Variants in GADL1 observed in about 807,000 individuals in gnomAD.
The protein encoded by GADL1 is GAD like acidic amino acid decarboxylase 1, also known as acidic amino acid decarboxylase GADL1.
Under a neutral mutation model 69.5 loss-of-function variants are expected in GADL1, and 71 were observed. The observed-to-expected ratio is 1.02, with a 90% CI of 0.84 to 1.25. GADL1 has a LOEUF of 1.25. Ranked by LOEUF, GADL1 falls within the 50% of genes most tolerant of loss-of-function variation. GADL1 has a pLI of 0.00. For missense variants in GADL1, 737 were observed against 631.8 expected (o/e 1.17, Z -1.79); for synonymous variants, 254 against 214.4 (o/e 1.18, Z -1.62).
intron 12 of GADL1, chr3:30,798,945 T>C (rs537402161): frequency 2.0e-5 from 3 of 152,388 alleles, no homozygotes; most frequent in Admixed American, 6.5e-5. Flanking sequence ...CCATGTCTCA[T>C]ATCTGGGTCA....
chr3:30,806,270 A>T (rs1460125933), intron 11 of GADL1, among the ~76,000 whole-genome samples: 1 of 152,152 alleles, frequency 6.6e-6, no homozygotes, highest in East Asian at 1.9e-4. Flanking sequence ...TTAATAATTC[A>T]TCTAAAAATT....
intron 11 of GADL1, among the ~76,000 whole-genome samples, chr3:30,802,623 T>A (rs998233998): frequency 3.9e-5 from 6 of 152,230 alleles, no homozygotes; most frequent in African/African-American, 1.4e-4. Context: ...GATATCACAT[T>A]TCAAATGAAA....
At chr3:30,768,975 G>T (rs1696352217) in intron 14 of GADL1, among the ~76,000 whole-genome samples, 1 of 152,154 alleles carries the variant, frequency 6.6e-6, no homozygotes, top group Non-Finnish European at 1.5e-5. Context: ...TTTCCTTTCA[G>T]CCCAGGGGTC....
chr3:30,858,600 G>C (rs1284533230), intron 2 of GADL1, among the ~76,000 whole-genome samples: 1 of 151,972 alleles, frequency 6.6e-6, no homozygotes, highest in African/African-American at 2.4e-5. Context: ...ACACAAGATT[G>C]GATGGCAGCA....
intron 6 of GADL1, among the ~76,000 whole-genome samples, chr3:30,849,382 A>C (rs117110289): frequency 1.3e-5 from 2 of 152,306 alleles, no homozygotes; most frequent in East Asian, 3.9e-4. Flanking sequence ...CTGAGGCACA[A>C]AGAAATTAAC....
intron 14 of GADL1, among the ~76,000 whole-genome samples, chr3:30,729,958 T>C (rs534914752): frequency 5.9e-4 from 90 of 152,082 alleles, no homozygotes; most frequent in African/African-American, 9.7e-4. Flanking sequence ...TATATGAGTG[T>C]AAAAGAAAAA....
At chr3:30,747,673 A>G (rs2125475896) in intron 14 of GADL1, among the ~76,000 whole-genome samples, 1 of 152,340 alleles carries the variant, frequency 6.6e-6, no homozygotes, top group South Asian at 2.1e-4. Context: ...AAGACTGTAG[A>G]CATGGCCATA....
chr3:30,761,635 TATCA>T (rs1349400029), intron 14 of GADL1, among the ~76,000 whole-genome samples: 1 of 152,198 alleles, frequency 6.6e-6, no homozygotes, highest in Non-Finnish European at 1.5e-5. Flanking sequence ...CAATTGAAAC[TATCA>T]ATCCTCATCA....
intron 1 of GADL1, among the ~76,000 whole-genome samples, chr3:30,889,653 T>G (rs919534055): frequency 2.6e-5 from 4 of 152,188 alleles, no homozygotes; most frequent in Non-Finnish European, 5.9e-5. Flanking sequence ...AGTTTCTTTT[T>G]AAATCACGCA....
chr3:30,864,558 T>C (rs973436469), intron 1 of GADL1, among the ~76,000 whole-genome samples: 3 of 152,050 alleles, frequency 2.0e-5, no homozygotes, highest in Admixed American at 2.0e-4. Context: ...GTCTAGATGA[T>C]GTCTTTTCTT....
intron 4 of GADL1, among the ~76,000 whole-genome samples, chr3:30,853,808 G>A (rs879891670): frequency 7.9e-5 from 12 of 151,852 alleles, no homozygotes; most frequent in African/African-American, 2.7e-4. Flanking sequence ...CTCCAAGTCC[G>A]AGCTACTTTC....
chr3:30,815,541 T>G (rs188098689), intron 11 of GADL1, among the ~76,000 whole-genome samples: 27 of 152,294 alleles, frequency 1.8e-4, no homozygotes, highest in African/African-American at 5.3e-4. Flanking sequence ...TCTACAGAAT[T>G]TCTGTACAAC....
At chr3:30,827,335 C>T (rs1167312704) in intron 11 of GADL1, among the ~76,000 whole-genome samples, 1 of 151,134 alleles carries the variant, frequency 6.6e-6, no homozygotes, top group Non-Finnish European at 1.5e-5. Flanking sequence ...GACCAGTACA[C>T]ATTTATGACT....
chr3:30,763,633 TAA>T (rs1487143409), intron 14 of GADL1, among the ~76,000 whole-genome samples: 1 of 152,206 alleles, frequency 6.6e-6, no homozygotes, highest in Non-Finnish European at 1.5e-5. Context: ...AACTATAGTC[TAA>T]GAGGAAGCCT....
At chr3:30,849,718 AAAAG>A (rs1207939136) in intron 6 of GADL1, among the ~76,000 whole-genome samples, 2 of 152,198 alleles carry the variant, frequency 1.3e-5, no homozygotes, top group African/African-American at 2.4e-5. Flanking sequence ...GACATTCAAA[AAAAG>A]AGATTCACAG....
intron 11 of GADL1, among the ~76,000 whole-genome samples, chr3:30,805,734 C>CCTT (rs1491120346): frequency 1.5e-5 from 1 of 66,094 alleles, no homozygotes; most frequent in Non-Finnish European, 2.4e-5. Flanking sequence ...AGTCCCCAGC[C>CCTT]TTTTTTTTTT....
intron 14 of GADL1, among the ~76,000 whole-genome samples, chr3:30,740,908 ATC>A (rs1695607542): frequency 7.0e-6 from 1 of 142,396 alleles, no homozygotes; most frequent in African/African-American, 2.6e-5. Flanking sequence ...ACATATATAT[ATC>A]TAATATATAA....
In GADL1 at chr3:30,830,989, G is replaced by A. The variant is rs1004448730; in HGVS notation, c.1050+2864C>T. Among the ~76,000 whole-genome samples the A allele has an allele frequency of 8.2e-5, 7 of 84,854 alleles. No homozygotes were observed. The East Asian group carries it at 2.1e-3, about 25-fold the overall frequency. The allele number at this position is 84,854 out of a possible 152,430, so 55.7% of individuals were successfully genotyped here. A position where few individuals can be genotyped will look rare whatever the true frequency, so the allele number is the denominator to read the frequency against. On this transcript the variant is annotated intron_variant, in intron 11 of 14. Coordinates refer to ENST00000282538, the MANE Select transcript of GADL1 (RefSeq NM_207359.3). Reference sequence around the variant, plus strand: ...TGATAATAATTGATAATTGAGCCCTGTCTAATTGATAGCTAAAATGTATAG... The same window carrying A: ...TGATAATAATTGATAATTGAGCCCTATCTAATTGATAGCTAAAATGTATAG...
chr3:30,784,714 CCT>C (rs1282585828), intron 13 of GADL1, among the ~76,000 whole-genome samples: 3 of 152,168 alleles, frequency 2.0e-5, no homozygotes, highest in Non-Finnish European at 4.4e-5. Flanking sequence ...TTTCAACATT[CCT>C]CTCTTCTCAT....
Sources: gnomAD v4.1 joint callset for allele counts (sites outside exome capture counted in the v4.1 genomes callset) on GRCh38, gnomAD v4.1.1 for gene constraint, MANE v1.5 for transcripts, NCBI Gene and HGNC (gene_info 2026-07-23, HGNC 2026-07-21) for gene names.